The following NHS variants were observed in gnomAD, a reference collection of about 807,000 sequenced individuals.
NHS encodes the protein actin remodeling regulator NHS.
Under a neutral mutation model 72.5 loss-of-function variants are expected in NHS, and 5 were observed. The observed-to-expected ratio is 0.07, with a 90% confidence interval of 0.04 to 0.14. The LOEUF (loss-of-function observed/expected upper bound fraction) is 0.14. Among genes scored for constraint, NHS ranks in the 10% least tolerant of loss-of-function variants. The pLI is 1.00. For missense variants in NHS, 1,072 were observed against 1,355.7 expected, an observed-to-expected ratio of 0.79 and a Z score of 3.29; for synonymous variants, 464 against 547.7, an observed-to-expected ratio of 0.85 and a Z score of 2.13.
intron 1 of NHS, among the ~76,000 whole-genome samples, chrX:17,469,195 AATGTATTG>A (rs2146901614): frequency 8.9e-6 from 1 of 112,235 alleles, no homozygotes; most frequent in African/African-American, 3.2e-5. Context: ...AATAGACCAC[AATGTATTG>A]ATCCAGTCTG....
At chrX:17,546,914 T>C (rs2065296398) in intron 1 of NHS, among the ~76,000 whole-genome samples, 2 of 111,912 alleles carry the variant, frequency 1.8e-5, no homozygotes, top group African/African-American at 6.5e-5. Flanking sequence ...TGATCAGGGG[T>C]CAGATCAAGT....
rs1413890127 is a variant in NHS at position 17,564,986 on chromosome X, T to TA, written c.566-122756_566-122755insA. Among the ~76,000 whole-genome samples the TA allele has an allele frequency of 4.1e-3, 448 of 109,770 alleles. 1 individual carries two copies. The highest frequency in any genetic ancestry group is 0.014 in the African/African-American group (427 of 29,664). On this transcript the variant is annotated intron_variant, in intron 1 of 8. Coordinates refer to ENST00000676302, the MANE Select transcript of NHS (RefSeq NM_001291867.2). Reference sequence around the variant, plus strand: ...ACAGCCACATTTTTTTTTATTTATTTTTTTTTTTTGCAGCAACTCCCATTA... The same window carrying TA: ...ACAGCCACATTTTTTTTTATTTATTTATTTTTTTTTGCAGCAACTCCCATTA...
chrX:17,561,572 G>GCACACACA (rs1304131940), intron 1 of NHS, among the ~76,000 whole-genome samples: 172 of 60,216 alleles, frequency 2.9e-3, no homozygotes, highest in African/African-American at 0.011. Flanking sequence ...GCGCGCGCGC[G>GCACACACA]CGCACACACA....
At chrX:17,690,543 A>T (rs1298220358) in intron 2 of NHS, among the ~76,000 whole-genome samples, 1 of 112,302 alleles carries the variant, frequency 8.9e-6, no homozygotes, top group Non-Finnish European at 1.9e-5. Context: ...TGCCTTCAAG[A>T]TCTGCTTGAT....
Position 17,732,504 on chromosome X carries a change from T to C in NHS, c.*40T>C, listed in dbSNP as rs2066495711. 1 of 1,211,594 alleles carries C rather than the reference T, an allele frequency of 8.3e-7. No individual in the cohort carries two copies. On this transcript the variant is annotated 3_prime_UTR_variant, in exon 9 of 9. Coordinates refer to ENST00000676302, the MANE Select transcript of NHS (RefSeq NM_001291867.2). ...GCTGCCTGGCAAAGGCCAAAACCCT[T>C]ACTCACATGAGGATGGAGGAACAGA...
chrX:17,660,330 G>T (rs1407130389), intron 1 of NHS, among the ~76,000 whole-genome samples: 1 of 112,673 alleles, frequency 8.9e-6, no homozygotes, highest in Admixed American at 9.4e-5. Context: ...TTAAGAGGCA[G>T]TTGACTTGGT....
chrX:17,607,819 C>T (rs1056594853), intron 1 of NHS, among the ~76,000 whole-genome samples: 31 of 110,150 alleles, frequency 2.8e-4, no homozygotes, highest in African/African-American at 9.2e-4. Flanking sequence ...CTTCTCTAGT[C>T]GACAGTGCAG....
chrX:17,679,311 G>T (rs754624991), intron 1 of NHS, among the ~76,000 whole-genome samples: 39 of 111,649 alleles, frequency 3.5e-4, no homozygotes, highest in Admixed American at 9.5e-4. Context: ...ACCCATAGTT[G>T]GTGCAAAACC....
At chrX:17,486,284 T>A (rs1193365405) in intron 1 of NHS, among the ~76,000 whole-genome samples, 2 of 112,375 alleles carry the variant, frequency 1.8e-5, no homozygotes, top group Non-Finnish European at 3.8e-5. Flanking sequence ...CCTCAAAGTA[T>A]ACAAGCTGTA....
chrX:17,551,324 G>C (rs142843765), intron 1 of NHS, among the ~76,000 whole-genome samples: 72 of 112,044 alleles, frequency 6.4e-4, no homozygotes, highest in African/African-American at 2.1e-3. Context: ...ACCAGAGAAT[G>C]TCTTTCTGGA....
chrX:17,480,949 C>T (rs2064943614), intron 1 of NHS, among the ~76,000 whole-genome samples: 1 of 111,504 alleles, frequency 9.0e-6, no homozygotes, highest in Non-Finnish European at 1.9e-5. Context: ...TTCCTTAGTA[C>T]ACGGCTTCCA....
intron 1 of NHS, among the ~76,000 whole-genome samples, chrX:17,659,615 T>C (rs2065973486): frequency 8.9e-6 from 1 of 112,275 alleles, no homozygotes; most frequent in Non-Finnish European, 1.9e-5. Flanking sequence ...TAGGATATTG[T>C]TTCTGAAAGC....
intron 1 of NHS, among the ~76,000 whole-genome samples, chrX:17,608,560 G>A (rs1172310429): frequency 8.9e-6 from 1 of 112,110 alleles, no homozygotes; most frequent in African/African-American, 3.2e-5. Flanking sequence ...AGCCTTGAAA[G>A]AGAACATTAA....
At chrX:17,670,332 T>C (rs2066036503) in intron 1 of NHS, among the ~76,000 whole-genome samples, 1 of 112,735 alleles carries the variant, frequency 8.9e-6, no homozygotes, top group South Asian at 3.7e-4. Flanking sequence ...AAAATGAGAT[T>C]CCCAAGTTGT....
chrX:17,502,658 G>A (rs1421486700), intron 1 of NHS, among the ~76,000 whole-genome samples: 1 of 43,728 alleles, frequency 2.3e-5, no homozygotes, highest in Non-Finnish European at 5.1e-5. Context: ...GCGTGGTGGC[G>A]GGCGCCTGTA....
At chrX:17,624,819 C>T (rs1226358936) in intron 1 of NHS, among the ~76,000 whole-genome samples, 1 of 112,360 alleles carries the variant, frequency 8.9e-6, no homozygotes, top group African/African-American at 3.2e-5. Flanking sequence ...GTCACAGTAG[C>T]AACAAGTGGA....
chrX:17,717,919 A>G (rs770651542), intron 3 of NHS, among the ~76,000 whole-genome samples: 12 of 112,209 alleles, frequency 1.1e-4, no homozygotes, highest in African/African-American at 3.2e-4. Flanking sequence ...AAATAATTCA[A>G]TCTTCTCCAA....
chrX:17,649,392 T>A (rs2065920344), intron 1 of NHS, among the ~76,000 whole-genome samples: 1 of 111,170 alleles, frequency 9.0e-6, no homozygotes. Flanking sequence ...AAGGATGCAT[T>A]TACATTGGAT....
chrX:17,472,124 G>A (rs1440817356), intron 1 of NHS, among the ~76,000 whole-genome samples: 1 of 111,338 alleles, frequency 9.0e-6, no homozygotes, highest in East Asian at 2.8e-4. Flanking sequence ...ATTTTCCTAG[G>A]AAGTCTCCTG....
Sources: gnomAD v4.1 joint callset for allele counts (sites outside exome capture counted in the v4.1 genomes callset) on GRCh38, gnomAD v4.1.1 for gene constraint, MANE v1.5 for transcripts, NCBI Gene and HGNC (gene_info 2026-07-23, HGNC 2026-07-21) for gene names.